The following CSMD3 variants were observed in gnomAD, a reference collection of about 807,000 sequenced individuals.
CSMD3 encodes CUB and sushi domain-containing protein 3.
CSMD3 carries 177 observed loss-of-function variants against 435.2 expected under a neutral mutation model. That is an observed-to-expected ratio of 0.41 (90% confidence interval 0.36 to 0.46). The LOEUF is 0.46. CSMD3 is among the 20% of genes least tolerant of loss of function. The pLI is 0.34. For synonymous variants in CSMD3, 1,656 were observed against 1,520.5 expected (o/e 1.09, Z -2.07); for missense variants, 4,265 against 4,504.6 (o/e 0.95, Z 1.52).
At chr8:112,418,922 G>T (rs1812189826) in intron 32 of CSMD3, among the ~76,000 whole-genome samples, 1 of 152,068 alleles carries the variant, frequency 6.6e-6, no homozygotes, top group Non-Finnish European at 1.5e-5. Context: ...ATTACCTTAG[G>T]TTATGCATAT....
intron 52 of CSMD3, 108 bp downstream of exon 52, chr8:112,304,613 G>A: frequency 1.2e-6 from 1 of 834,024 alleles, no homozygotes. Flanking sequence ...GACCATATTA[G>A]TAATGTCATC....
chr8:113,088,964 A>G (rs747113493), intron 5 of CSMD3, among the ~76,000 whole-genome samples: 1 of 152,198 alleles, frequency 6.6e-6, no homozygotes, highest in Non-Finnish European at 1.5e-5. Flanking sequence ...TGAATATTGA[A>G]CATTAAACAC....
Position 112,943,409 on chromosome 8 carries a change from C to T in CSMD3, c.1508+4381G>A, listed in dbSNP as rs182725438. ...TAACTGAACTTTCACTTGGATGGGG[C>T]ACCAGGAGAACATGCCACGAGTTCT... is the stretch of plus-strand genomic sequence containing the variant. On this transcript the variant is annotated intron_variant, in intron 9 of 70. Coordinates refer to ENST00000297405, the MANE Select transcript of CSMD3 (RefSeq NM_198123.2). Among the ~76,000 whole-genome samples, 5 of 151,618 alleles carry T rather than the reference C, an allele frequency of 3.3e-5. No homozygotes were observed. In the Admixed American group the frequency reaches 3.3e-4, roughly 10 times the overall value.
intron 32 of CSMD3, among the ~76,000 whole-genome samples, chr8:112,448,429 A>T (rs1815872226): frequency 6.6e-6 from 1 of 152,146 alleles, no homozygotes; most frequent in Non-Finnish European, 1.5e-5. Context: ...TTATAAGGAA[A>T]GGAAGATTTG....
rs1819770007 is a variant in CSMD3, at chr8:112,291,605, A to G, written c.8879T>C (p.Phe2960Ser). The G allele has an allele frequency of 1.9e-6, 3 of 1,610,846 alleles. No homozygotes were observed. Among genetic ancestry groups the G allele is most frequent in the Non-Finnish European group, 2.5e-6 (3 of 1,177,346 alleles). Reference sequence around the variant, plus strand: ...AAAATATCCAGGATTGCAGTCATAGAATACCACAGTGCCGTAAGTAAAATT... The same window carrying G: ...AAAATATCCAGGATTGCAGTCATAGGATACCACAGTGCCGTAAGTAAAATT... Reference protein sequence around the residue: ...HGNFTYGTVVFYDCNPGYFLF... With the variant: ...HGNFTYGTVVSYDCNPGYFLF... Residue 2960 changes from phenylalanine to serine, a missense_variant, in exon 56 of 71, where the codon TTC becomes TCC. Physicochemically the swap from Phe to Ser is radical, Grantham distance 155. This residue lies in a region of CSMD3 where 3,255 missense variants were observed against 3,380.2 expected (regional missense o/e 0.96). Coordinates refer to ENST00000297405, the MANE Select transcript of CSMD3 (RefSeq NM_198123.2).
rs146313064 is a variant in CSMD3 at position 112,308,645 on chromosome 8, G to A, written c.7885+2333C>T. Among the ~76,000 whole-genome samples the A allele has an allele frequency of 1.8e-4, 28 of 152,088 alleles. No individual in the cohort carries two copies. In the East Asian group the frequency reaches 3.1e-3, roughly 17 times the overall value. On this transcript the variant is annotated intron_variant, in intron 50 of 70. Coordinates refer to ENST00000297405, the MANE Select transcript of CSMD3 (RefSeq NM_198123.2). ...GACGGAATACAAAGTGAGTTTCCAC[G>A]TAACACTACATAATATTTAATTATA...
chr8:113,227,475 A>C (rs115808362), intron 3 of CSMD3, among the ~76,000 whole-genome samples: 1 of 151,658 alleles, frequency 6.6e-6, no homozygotes, highest in African/African-American at 2.4e-5. Context: ...ATCAGGCATG[A>C]ATATCATACA....
Position 112,237,250 on chromosome 8 carries a change from C to T in CSMD3, c.10567G>A (p.Ala3523Thr), listed in dbSNP as rs2129990533. 1 of 1,613,494 alleles carries T rather than the reference C, an allele frequency of 6.2e-7. No individual in the cohort carries two copies. The highest frequency in any genetic ancestry group is 1.7e-5 in the Admixed American group (1 of 60,000). Residue 3523 changes from alanine to threonine, a missense_variant, in exon 67 of 71, where the codon GCT becomes ACT. By Grantham distance (58) the Ala-to-Thr change is moderately conservative. Coordinates refer to ENST00000297405, the MANE Select transcript of CSMD3 (RefSeq NM_198123.2). ...GTTGCGTTAACTCTCCCAGTGGAAG[C>T]ATTGAAACTAGTAACTGTTAAGGTC... is the stretch of plus-strand genomic sequence containing the variant. ...PMTLTVTSFN[A>T]STGRVNATLS...
chr8:112,833,879 C>A (rs1043189267), intron 11 of CSMD3, among the ~76,000 whole-genome samples: 1 of 151,976 alleles, frequency 6.6e-6, no homozygotes, highest in African/African-American at 2.4e-5. Flanking sequence ...ATCTTCATCA[C>A]CCCAACCTAT....
intron 34 of CSMD3, 41 bp from the exon 35 acceptor site, chr8:112,406,768 G>T: frequency 1.6e-6 from 2 of 1,240,998 alleles, no homozygotes; most frequent in Non-Finnish European, 2.3e-6. Flanking sequence ...TTATATGGTA[G>T]ACAAATACAG....
At chr8:112,423,229 G>T (rs1435712269) in intron 32 of CSMD3, among the ~76,000 whole-genome samples, 3 of 152,058 alleles carry the variant, frequency 2.0e-5, no homozygotes, top group Non-Finnish European at 2.9e-5. Flanking sequence ...ACCTGGGAAG[G>T]TGAACACTTC....
In CSMD3 at chr8:112,505,228, T is replaced by G. The variant is rs550441866; in HGVS notation, c.4896-1251A>C. ...GGGAGACCATCACACTATTATATTT[T>G]GTTTTAATTTATTCAGTAGCTTCAA... On this transcript the variant is annotated intron_variant, in intron 29 of 70. Transcript: ENST00000297405. 1.2e-4 allele frequency among the ~76,000 whole-genome samples: 18 copies of G among 152,290 alleles called. No homozygotes were observed. In the East Asian group the frequency reaches 2.1e-3, roughly 18 times the overall value.
intron 1 of CSMD3, among the ~76,000 whole-genome samples, chr8:113,340,218 T>C (rs1362057109): frequency 1.3e-5 from 2 of 152,084 alleles, no homozygotes; most frequent in African/African-American, 4.8e-5. Context: ...GGAAGCAAAA[T>C]ATGCATCCTT....
chr8:113,309,037 T>C (rs1169286117), intron 2 of CSMD3, among the ~76,000 whole-genome samples: 2 of 151,894 alleles, frequency 1.3e-5, no homozygotes, highest in Non-Finnish European at 2.9e-5. Context: ...CAACCTCCGC[T>C]TCCTGGGTTC....
chr8:113,106,488 G>T (rs767425859), intron 4 of CSMD3, among the ~76,000 whole-genome samples: 18 of 152,182 alleles, frequency 1.2e-4, no homozygotes, highest in Non-Finnish European at 2.5e-4. Context: ...ATACCAAACA[G>T]TTGAATATGT....
At chr8:112,638,960 A>T (rs540420691) in intron 20 of CSMD3, 49 bp from the exon 21 acceptor site, 1 of 1,263,406 alleles carries the variant, frequency 7.9e-7, no homozygotes. Flanking sequence ...TCAGTAAAAC[A>T]CAGAGAGTTA....
chr8:112,873,780 C>G (rs2511539), intron 10 of CSMD3, among the ~76,000 whole-genome samples: 121,339 of 151,994 alleles, frequency 0.8, 49,218 homozygotes, highest in East Asian at 0.93. Context: ...ATTTTTTATT[C>G]TGTCTATTTG....
intron 4 of CSMD3, among the ~76,000 whole-genome samples, chr8:113,168,958 T>C (rs1484373269): frequency 1.3e-5 from 2 of 152,164 alleles, no homozygotes; most frequent in East Asian, 3.9e-4. Context: ...ATAAATATCC[T>C]TTCATTAACT....
At chr8:113,216,577 T>G (rs543947626) in intron 3 of CSMD3, among the ~76,000 whole-genome samples, 1 of 151,970 alleles carries the variant, frequency 6.6e-6, no homozygotes, top group Admixed American at 6.6e-5. Context: ...AAACATATTC[T>G]CCCACCAGAA....
Sources: gnomAD v4.1 joint callset for allele counts (sites outside exome capture counted in the v4.1 genomes callset) on GRCh38, gnomAD v4.1.1 for gene constraint, gnomAD v4.1.1 regional missense constraint, MANE v1.5 for transcripts, NCBI Gene and HGNC (gene_info 2026-07-23, HGNC 2026-07-21) for gene names.